Variants in RPH3A observed in about 807,000 individuals in gnomAD.
RPH3A encodes rabphilin-3A.
RPH3A carries 48 observed loss-of-function variants against 102.2 expected under a neutral mutation model. The observed-to-expected ratio is 0.47, with a 90% CI of 0.37 to 0.60. The LOEUF is 0.60. Among genes scored for constraint, RPH3A ranks in the 20% least tolerant of loss-of-function variants. The pLI, the probability that RPH3A is intolerant of heterozygous loss-of-function variation, is 0.00. For missense variants in RPH3A, 781 were observed against 910.1 expected (o/e 0.86, Z 1.83); for synonymous variants, 310 against 324.3 (o/e 0.96, Z 0.47).
chr12:112,853,109 T>C (rs1340440542), intron 5 of RPH3A, among the ~76,000 whole-genome samples: 5 of 152,192 alleles, frequency 3.3e-5, no homozygotes, highest in Non-Finnish European at 7.3e-5. Flanking sequence ...TTCCCCTGTG[T>C]TTTTGGCATA....
In RPH3A at chr12:112,897,272, G is replaced by A. The variant is rs543180940; in HGVS notation, c.*492G>A. ...GCATTGGGGCACAAATAGAGCCTCC[G>A]GGCTCCCACTGCCCCCTGAGATGTA... On this transcript the variant is annotated 3_prime_UTR_variant, in exon 22 of 22. Transcript: ENST00000389385. 6.3e-5 allele frequency: 10 copies of A among 158,504 alleles called. No homozygotes were observed. Among genetic ancestry groups the A allele is most frequent in the Middle Eastern group, 6.4e-3 (2 of 314 alleles). The allele number at this position is 158,504 out of a possible 1,614,324, so 9.8% of individuals were successfully genotyped here.
chr12:112,687,744 C>T (rs2040276857), intron 1 of RPH3A, among the ~76,000 whole-genome samples: 1 of 152,190 alleles, frequency 6.6e-6, no homozygotes, highest in Admixed American at 6.5e-5. Flanking sequence ...TTGAAGCCAA[C>T]CTCTTCACCT....
intron 1 of RPH3A, among the ~76,000 whole-genome samples, chr12:112,692,941 T>C (rs946285038): frequency 6.6e-6 from 1 of 152,114 alleles, no homozygotes; most frequent in Non-Finnish European, 1.5e-5. Flanking sequence ...TGGGAATCAT[T>C]TGGGTTGACT....
intron 1 of RPH3A, among the ~76,000 whole-genome samples, chr12:112,722,986 TA>T (rs1315218228): frequency 6.6e-6 from 1 of 152,214 alleles, no homozygotes; most frequent in Non-Finnish European, 1.5e-5. Context: ...ACACACTTAT[TA>T]GACACTAAGA....
intron 1 of RPH3A, among the ~76,000 whole-genome samples, chr12:112,724,187 G>A (rs548361728): frequency 7.3e-5 from 11 of 151,708 alleles, no homozygotes; most frequent in African/African-American, 2.4e-4. Context: ...CTCCTGAGGA[G>A]CTGGGACCAC....
At chr12:112,724,649 T>A (rs1471975529) in intron 1 of RPH3A, among the ~76,000 whole-genome samples, 1 of 152,222 alleles carries the variant, frequency 6.6e-6, no homozygotes, top group Non-Finnish European at 1.5e-5. Context: ...GCACAGTGCC[T>A]GGCACATAGC....
At chr12:112,662,820 C>A (rs2040058071) in intron 1 of RPH3A, among the ~76,000 whole-genome samples, 1 of 151,394 alleles carries the variant, frequency 6.6e-6, no homozygotes, top group Admixed American at 6.6e-5. Flanking sequence ...CATAGTTGGC[C>A]AACTCCTGCT....
chr12:112,773,440 A>G (rs2040941909), intron 1 of RPH3A, among the ~76,000 whole-genome samples: 1 of 151,930 alleles, frequency 6.6e-6, no homozygotes, highest in South Asian at 2.1e-4. Context: ...AATTGAATTT[A>G]TTTGTTTTTT....
intron 1 of RPH3A, among the ~76,000 whole-genome samples, chr12:112,652,693 C>CTCAT (rs2039983344): frequency 6.6e-6 from 1 of 151,468 alleles, no homozygotes; most frequent in Non-Finnish European, 1.5e-5. Flanking sequence ...CATTTAATTA[C>CTCAT]TCATTCATTC....
At chr12:112,890,805 C>T (rs766633562) in intron 18 of RPH3A, 44 bp from the exon 19 acceptor site, 23 of 1,595,722 alleles carry the variant, frequency 1.4e-5, no homozygotes, top group Non-Finnish European at 4.3e-6. Context: ...CATTTCCTGG[C>T]CCCCTCCCCT....
intron 1 of RPH3A, among the ~76,000 whole-genome samples, chr12:112,764,325 G>A (rs1288013301): frequency 6.6e-6 from 1 of 152,216 alleles, no homozygotes; most frequent in African/African-American, 2.4e-5. Context: ...TTAGTGGAAA[G>A]ACAGGTTATA....
intron 1 of RPH3A, among the ~76,000 whole-genome samples, chr12:112,639,392 G>C (rs756690805): frequency 1.3e-4 from 20 of 152,130 alleles, no homozygotes; most frequent in Non-Finnish European, 4.4e-5. Context: ...AACTAACACA[G>C]GAACGGAAAA....
chr12:112,837,094 G>T (rs182189237), intron 4 of RPH3A, among the ~76,000 whole-genome samples: 1 of 152,164 alleles, frequency 6.6e-6, no homozygotes, highest in African/African-American at 2.4e-5. Context: ...CAACCAGACT[G>T]CAAAGCAGCC....
At chr12:112,838,902 C>T (rs546977211) in intron 4 of RPH3A, among the ~76,000 whole-genome samples, 2 of 152,166 alleles carry the variant, frequency 1.3e-5, no homozygotes, top group South Asian at 2.1e-4. Flanking sequence ...CAATGCTGGC[C>T]TTGGTGGGTG....
chr12:112,632,473 C>G (rs537108204), intron 1 of RPH3A, among the ~76,000 whole-genome samples: 3 of 152,316 alleles, frequency 2.0e-5, no homozygotes, highest in African/African-American at 7.2e-5. Flanking sequence ...AGCAGTTCCA[C>G]TCTGTTCCAG....
chr12:112,735,040 C>A (rs1346891094), intron 1 of RPH3A, among the ~76,000 whole-genome samples: 1 of 152,182 alleles, frequency 6.6e-6, no homozygotes, highest in Non-Finnish European at 1.5e-5. Context: ...TTTTACCCAG[C>A]CCCTATTCAA....
rs1384580360 is a variant in RPH3A at position 112,678,277 on chromosome 12, GAAAGAAAGAAAGAAAGAAAGAAAGAA to G, written c.-140+102960_-140+102985del. 4.7e-3 allele frequency among the ~76,000 whole-genome samples: 360 copies of G among 76,462 alleles called. 11 individuals carry two copies. Among genetic ancestry groups the G allele is most frequent in the African/African-American group, 0.013 (202 of 15,852 alleles). The allele number at this position is 76,462 out of a possible 152,430, so 50.2% of individuals were successfully genotyped here. ...AGAAAGAAAGAAAGAAAGAAAGAAA[GAAAGAAAGAAAGAAAGAAAGAAAGAA>G]AGAGAGAGAGAGAGAAAGAAAGAAA... On this transcript the variant is annotated intron_variant, in intron 1 of 21. Coordinates refer to the RPH3A transcript ENST00000543106.
intron 1 of RPH3A, among the ~76,000 whole-genome samples, chr12:112,661,912 G>A (rs542734353): frequency 3.3e-5 from 5 of 152,186 alleles, no homozygotes; most frequent in Middle Eastern, 6.8e-3. Context: ...GGTGGCCATC[G>A]CAGCTGCACC....
At chr12:112,685,894 G>A (rs1043565880) in intron 1 of RPH3A, among the ~76,000 whole-genome samples, 4 of 152,180 alleles carry the variant, frequency 2.6e-5, no homozygotes, top group Admixed American at 2.0e-4. Flanking sequence ...TTTTGTGTTG[G>A]GTATTTGAAT....
Sources: allele counts gnomAD v4.1 joint callset (sites outside exome capture counted in the v4.1 genomes callset), GRCh38; gene constraint gnomAD v4.1.1; transcripts MANE v1.5; gene names NCBI Gene and HGNC (gene_info 2026-07-23, HGNC 2026-07-21).